OSBPL10: variants seen among roughly 807,000 people sequenced by gnomAD.
OSBPL10 encodes oxysterol-binding protein-related protein 10.
In OSBPL10, 49 loss-of-function variants were observed where a neutral mutation model predicts 81.7. That is an observed-to-expected ratio of 0.60 (90% CI 0.48 to 0.76). The LOEUF is 0.76. Ranked by LOEUF, OSBPL10 falls within the 30% of genes least tolerant of loss-of-function variation. The pLI is 0.00. For missense variants in OSBPL10, 923 were observed against 987.8 expected, an observed-to-expected ratio of 0.93 and a Z score of 0.88; for synonymous variants, 419 against 383.6, an observed-to-expected ratio of 1.09 and a Z score of -1.08.
At chr3:31,799,511 T>C (rs1007208181) in intron 4 of OSBPL10, among the ~76,000 whole-genome samples, 1 of 151,890 alleles carries the variant, frequency 6.6e-6, no homozygotes, top group African/African-American at 2.4e-5. Flanking sequence ...TTAACCTCTC[T>C]TAGCCTCTAG....
chr3:31,935,952 T>C (rs1170616836), intron 1 of OSBPL10, among the ~76,000 whole-genome samples: 1 of 152,248 alleles, frequency 6.6e-6, no homozygotes. Flanking sequence ...TTACTTTTTA[T>C]GTAAAGTCAC....
chr3:31,735,312 C>A (rs907055105), intron 5 of OSBPL10, among the ~76,000 whole-genome samples: 4 of 152,116 alleles, frequency 2.6e-5, no homozygotes, highest in African/African-American at 9.7e-5. Flanking sequence ...TGGTGACATG[C>A]ACCTATAGTT....
At chr3:31,765,694 G>C (rs1330379878) in intron 4 of OSBPL10, among the ~76,000 whole-genome samples, 1 of 152,116 alleles carries the variant, frequency 6.6e-6, no homozygotes, top group Non-Finnish European at 1.5e-5. Context: ...AAATTAGCAA[G>C]TGAAAAAGGA....
At chr3:32,033,605 G>A (rs1699491228) in intron 2 of OSBPL10, among the ~76,000 whole-genome samples, 1 of 152,214 alleles carries the variant, frequency 6.6e-6, no homozygotes, top group Non-Finnish European at 1.5e-5. Flanking sequence ...AAAAGAGACA[G>A]AGTTTCATTA....
At chr3:31,969,010 C>G (rs6787600) in intron 1 of OSBPL10, among the ~76,000 whole-genome samples, 4 of 152,120 alleles carry the variant, frequency 2.6e-5, no homozygotes, top group African/African-American at 9.7e-5. Context: ...TTTTTAGAGA[C>G]GAGGCCACTA....
chr3:32,054,308 C>A (rs1699690581), intron 1 of OSBPL10, among the ~76,000 whole-genome samples: 1 of 152,034 alleles, frequency 6.6e-6, no homozygotes, highest in Non-Finnish European at 1.5e-5. Context: ...ACATATTTGG[C>A]TTATTTGGTA....
At chr3:31,859,344 C>A (rs1414120819) in intron 3 of OSBPL10, among the ~76,000 whole-genome samples, 10 of 152,226 alleles carry the variant, frequency 6.6e-5, no homozygotes, top group Non-Finnish European at 1.2e-4. Context: ...AGGGTGACCG[C>A]CCAGGGAGGG....
intron 3 of OSBPL10, among the ~76,000 whole-genome samples, chr3:31,864,126 A>G (rs1026812157): frequency 1.7e-4 from 26 of 152,216 alleles, no homozygotes; most frequent in Admixed American, 1.6e-3. Context: ...TGAGGGCACA[A>G]TAAGATGTGC....
intron 1 of OSBPL10, among the ~76,000 whole-genome samples, chr3:31,895,685 A>G (rs562812476): frequency 1.3e-5 from 2 of 152,306 alleles, no homozygotes; most frequent in Admixed American, 1.3e-4. Flanking sequence ...TCTTTAAAAC[A>G]GGGGATTATA....
chr3:31,667,992 C>T (rs1223088611), intron 10 of OSBPL10, among the ~76,000 whole-genome samples: 1 of 152,234 alleles, frequency 6.6e-6, no homozygotes, highest in Non-Finnish European at 1.5e-5. Flanking sequence ...TCGTAATTTA[C>T]TTAACCATTT....
intron 1 of OSBPL10, among the ~76,000 whole-genome samples, chr3:31,932,336 A>C (rs1697272398): frequency 6.6e-6 from 1 of 152,184 alleles, no homozygotes; most frequent in African/African-American, 2.4e-5. Context: ...CCTCCAAGAC[A>C]ACACTGCCTC....
chr3:32,069,990 C>A (rs534473035), intron 1 of OSBPL10, among the ~76,000 whole-genome samples: 1 of 152,190 alleles, frequency 6.6e-6, no homozygotes, highest in East Asian at 1.9e-4. Flanking sequence ...CTCACATCGC[C>A]GCTGCTTCTA....
intron 4 of OSBPL10, among the ~76,000 whole-genome samples, chr3:31,812,820 GAA>G (rs1367928868): frequency 7.6e-5 from 8 of 105,272 alleles, no homozygotes; most frequent in Admixed American, 2.8e-4. Context: ...GAAAGAAAGA[GAA>G]AGAAAGAAAG....
intron 4 of OSBPL10, among the ~76,000 whole-genome samples, chr3:31,808,053 G>A (rs1204848006): frequency 2.0e-5 from 3 of 152,134 alleles, no homozygotes; most frequent in Non-Finnish European, 4.4e-5. Context: ...CTTCTATCCC[G>A]ATTTTGTAAC....
rs192533016 is a variant in OSBPL10, at chr3:32,059,354, C to T, written n.186-12751G>A. On this transcript the variant is annotated intron_variant and non_coding_transcript_variant, in intron 1 of 3. Transcript: ENST00000479173. The stretch of plus-strand genomic sequence containing the variant: ...CTGTAATCCCACCACTTTGGGAGGC[C>T]GAGGTGGGTGGATCACTAGGTCAGG... Among the ~76,000 whole-genome samples the T allele has an allele frequency of 2.1e-3, 319 of 151,084 alleles. 2 individuals carry two copies. The highest frequency in any genetic ancestry group is 7.2e-3 in the African/African-American group (297 of 41,100).
chr3:31,794,958 C>T (rs528720693), intron 4 of OSBPL10: 1 of 327,066 alleles, frequency 3.1e-6, no homozygotes, highest in Admixed American at 3.6e-5. Flanking sequence ...GCTGTAAAGT[C>T]CATGTGTCAC....
At chr3:31,880,424 C>A (rs965535999) in intron 1 of OSBPL10, among the ~76,000 whole-genome samples, 2 of 152,152 alleles carry the variant, frequency 1.3e-5, no homozygotes, top group African/African-American at 4.8e-5. Flanking sequence ...TGAAATGCCA[C>A]TGAACTCTAC....
chr3:31,662,399 AAG>A, intron 11 of OSBPL10: 1 of 1,168,086 alleles, frequency 8.6e-7, no homozygotes, highest in Non-Finnish European at 1.1e-6. Context: ...GGCCAAAAAA[AAG>A]AAGCACTTTG....
chr3:31,965,987 T>A (rs1241315538), intron 1 of OSBPL10, among the ~76,000 whole-genome samples: 1 of 126,448 alleles, frequency 7.9e-6, no homozygotes, highest in African/African-American at 2.9e-5. Context: ...ATATATATTA[T>A]ATAAAATATA....
Sources: gnomAD v4.1 joint callset for allele counts (sites outside exome capture counted in the v4.1 genomes callset) on GRCh38, gnomAD v4.1.1 for gene constraint, MANE v1.5 for transcripts, NCBI Gene and HGNC (gene_info 2026-07-23, HGNC 2026-07-21) for gene names.